The following KNDC1 variants were observed in gnomAD, a reference collection of about 807,000 sequenced individuals.
The protein encoded by KNDC1 is kinase non-catalytic C-lobe domain containing 1.
KNDC1 carries 106 observed loss-of-function variants against 172.8 expected under a neutral mutation model. The ratio of observed to expected loss-of-function variants is 0.61; its 90% CI spans 0.52 to 0.72. The LOEUF (loss-of-function observed/expected upper bound fraction) is 0.72. Among genes scored for constraint, KNDC1 ranks in the 30% least tolerant of loss-of-function variants. KNDC1 has a pLI of 0.00. For synonymous variants in KNDC1, 1,083 were observed against 1,062.2 expected (o/e 1.02, Z -0.38); for missense variants, 2,325 against 2,394.5 (o/e 0.97, Z 0.61).
intron 3 of KNDC1, among the ~76,000 whole-genome samples, chr10:133,169,947 CACGTTCCTCCAAGT>C (rs1431298725): frequency 9.8e-5 from 15 of 152,368 alleles, no homozygotes; most frequent in Admixed American, 5.9e-4. Context: ...TCCCGCGTTG[CACGTTCCTCCAAGT>C]CCTGTTGTTT....
intron 1 of KNDC1, among the ~76,000 whole-genome samples, chr10:133,165,777 TGGAGTCCTGA>T (rs1429682650): frequency 1.3e-5 from 2 of 152,122 alleles, no homozygotes; most frequent in Admixed American, 1.3e-4. Context: ...TCGGGCTCTC[TGGAGTCCTGA>T]GGAGTCCTGG....
In KNDC1 at chr10:133,224,689, C is replaced by T. The variant is rs149909557; in HGVS notation, c.5049C>T (p.His1683=). ...TCGCAAAGGTGGTGAGCCAGGTGCA[C>T]GCGTTCCAGGAGAACCCTTACACCT... ...RNIAKVVSQV[H]AFQENPYTFS... Residue 1683 remains histidine (H), a synonymous_variant, in exon 30 of 30, where the codon CAC becomes CAT. Transcript: ENST00000304613. This position sits in a 1 kb window ranked among gnomAD's most constrained non-coding sequence, Gnocchi z 5.4. The T allele has an allele frequency of 8.2e-5, 132 of 1,614,010 alleles. No homozygotes were observed. The highest frequency in any genetic ancestry group is 1.6e-4 in the Middle Eastern group (1 of 6,062).
Position 133,183,870 on chromosome 10 carries a change from A to G in KNDC1, c.508-2A>G. ...TCCTGTCTGAGGTGTTCCCGTCCCC[A>G]GAGCATCATCGCGCTGTGTGAAGAG... On this transcript the variant is annotated splice_acceptor_variant, in intron 4 of 29. Coordinates refer to ENST00000304613, the MANE Select transcript of KNDC1 (RefSeq NM_152643.8). LOFTEE classifies it high-confidence loss of function. 6.4e-7 allele frequency: 1 copy of G among 1,572,878 alleles called. No individual in the cohort carries two copies. Among genetic ancestry groups the G allele is most frequent in the Non-Finnish European group, 8.7e-7 (1 of 1,152,032 alleles).
In KNDC1 at chr10:133,184,009, C is replaced by T. The variant is rs189947159; in HGVS notation, c.625+20C>T. On this transcript the variant is annotated intron_variant, in intron 5 of 29. Coordinates refer to ENST00000304613, the MANE Select transcript of KNDC1 (RefSeq NM_152643.8). The stretch of plus-strand genomic sequence containing the variant: ...TGCAGGGTGAGTTCTTGAACCCACA[C>T]ACGTGCATCCTCATGCACATATACC... 1.1e-3 allele frequency: 1,609 copies of T among 1,404,980 alleles called. 8 individuals carry two copies. Among genetic ancestry groups the T allele is most frequent in the Middle Eastern group, 1.5e-3 (8 of 5,384 alleles). 87.0% of individuals were successfully genotyped at this position (1,404,980 alleles called of 1,614,324 possible).
intron 5 of KNDC1, among the ~76,000 whole-genome samples, chr10:133,185,094 G>A (rs543559564): frequency 2.6e-5 from 4 of 152,268 alleles, no homozygotes; most frequent in African/African-American, 4.8e-5. Context: ...CATGGTGGCC[G>A]GCAGGGCCCT....
chr10:133,200,376 A>ACGCC lies in KNDC1; in HGVS notation c.2907_2908insCCCG (p.Ala970ProfsTer81). 6.3e-7 allele frequency: 1 copy of ACGCC among 1,587,152 alleles called. No individual in the cohort carries two copies. Among genetic ancestry groups the ACGCC allele is most frequent in the African/African-American group, 1.4e-5 (1 of 73,048 alleles). On this transcript the variant is annotated frameshift_variant and splice_region_variant, in exon 16 of 30. Coordinates refer to ENST00000304613, the MANE Select transcript of KNDC1 (RefSeq NM_152643.8). LOFTEE classifies it high-confidence loss of function. ...ACTGACCTGCATTCTCGTCGTCAGC[A>ACGCC]CGGCCGAGGAGGCTGGGTCACAGCT...
chr10:133,172,360 T>TATTCAC (rs1467390748), intron 3 of KNDC1, among the ~76,000 whole-genome samples: 1 of 152,278 alleles, frequency 6.6e-6, no homozygotes, highest in East Asian at 1.9e-4. Flanking sequence ...AAGATTTTCA[T>TATTCAC]ATTCACATCT....
intron 29 of KNDC1, among the ~76,000 whole-genome samples, chr10:133,220,533 G>C (rs1589778303): frequency 3.5e-5 from 1 of 28,904 alleles, no homozygotes; most frequent in African/African-American, 9.9e-5. Context: ...GCCCAGGTGA[G>C]GAGGGGCTCA....
At chr10:133,168,763 G>T (rs1000494824) in intron 3 of KNDC1, among the ~76,000 whole-genome samples, 2 of 152,250 alleles carry the variant, frequency 1.3e-5, no homozygotes, top group African/African-American at 4.8e-5. Flanking sequence ...CAGACACAAG[G>T]CCTCCAGGCA....
chr10:133,205,008 C>CCACCCCCCTCCTCACCCCCAGAAT (rs1845147140), intron 17 of KNDC1, among the ~76,000 whole-genome samples: 4 of 144,592 alleles, frequency 2.8e-5, no homozygotes, highest in African/African-American at 7.8e-5. Flanking sequence ...CACCCCAGAA[C>CCACCCCCCTCCTCACCCCCAGAAT]CACCACCCTC....
chr10:133,203,517 C>T (rs2136006441), intron 17 of KNDC1, among the ~76,000 whole-genome samples: 1 of 152,396 alleles, frequency 6.6e-6, no homozygotes, highest in African/African-American at 2.4e-5. Context: ...GAGGGCCGTT[C>T]TCTGGGGCGG....
At chr10:133,202,231 C>T (rs780413879) in intron 17 of KNDC1, 9 of 607,952 alleles carry the variant, frequency 1.5e-5, no homozygotes, top group South Asian at 6.1e-5. Flanking sequence ...TCGTGTTTTC[C>T]GTGGGGCAGG....
intron 28 of KNDC1, 22 bp from the exon 29 acceptor site, chr10:133,219,933 C>T (rs1243342176): frequency 1.3e-5 from 20 of 1,544,944 alleles, no homozygotes; most frequent in Non-Finnish European, 1.7e-5. Flanking sequence ...CTCCCCGGCC[C>T]ACGCCCCGGC....
At chr10:133,215,971 C>T (rs1300783429) in intron 26 of KNDC1, among the ~76,000 whole-genome samples, 1 of 152,214 alleles carries the variant, frequency 6.6e-6, no homozygotes, top group South Asian at 2.1e-4. Flanking sequence ...CGGACCTCGC[C>T]GGAGACCCAC....
rs542366535 is a variant in KNDC1, at chr10:133,183,328, C to T, written c.361-16C>T. On this transcript the variant is annotated splice_polypyrimidine_tract_variant and intron_variant, in intron 3 of 29. Coordinates refer to ENST00000304613, the MANE Select transcript of KNDC1 (RefSeq NM_152643.8). Reference sequence around the variant, plus strand: ...CACGCAGAGACTCTGGAGCTGACAGCCTGTCGTGCCCACAGGCGCACATCT... The same window carrying T: ...CACGCAGAGACTCTGGAGCTGACAGTCTGTCGTGCCCACAGGCGCACATCT... 6.3e-6 allele frequency: 10 copies of T among 1,577,542 alleles called. No individual in the cohort carries two copies. The South Asian group carries it at 1.0e-4, about 16-fold the overall frequency.
intron 29 of KNDC1, among the ~76,000 whole-genome samples, chr10:133,221,739 A>G (rs926061673): frequency 2.0e-5 from 3 of 152,260 alleles, no homozygotes; most frequent in Non-Finnish European, 4.4e-5. Flanking sequence ...ATGTATGCTT[A>G]TCGTAAGAGA....
intron 23 of KNDC1, 143 bp from the exon 24 acceptor site, chr10:133,212,573 G>A (rs895334818): frequency 4.5e-6 from 3 of 672,786 alleles, no homozygotes; most frequent in Middle Eastern, 4.1e-4. Flanking sequence ...TGGGCAGGCT[G>A]CTCTCTGGCT....
In KNDC1 at chr10:133,211,681, C is replaced by T. The variant is rs777214426; in HGVS notation, c.4059C>T (p.Ile1353=). Residue 1353 remains isoleucine (I), a splice_region_variant and synonymous_variant, in exon 23 of 30, where the codon ATC becomes ATT. Transcript: ENST00000304613. Reference sequence around the variant, plus strand: ...CCCACCACTGTGCTTCTGCCTAGATCCTACCCCTGGACGGCTCTGCCAAGC... The same window carrying T: ...CCCACCACTGTGCTTCTGCCTAGATTCTACCCCTGGACGGCTCTGCCAAGC... The part of the protein sequence containing the change: ...GKLEDFISSK[I]LPLDGSAKHL... 1 of 1,596,754 alleles carries T rather than the reference C, an allele frequency of 6.3e-7. No homozygotes were observed. Among genetic ancestry groups the T allele is most frequent in the Non-Finnish European group, 8.5e-7 (1 of 1,170,436 alleles).
chr10:133,207,465 G>A, intron 20 of KNDC1, 114 bp downstream of exon 20: 1 of 986,460 alleles, frequency 1.0e-6, no homozygotes, highest in Admixed American at 2.2e-5. Context: ...TTTTAGTTTA[G>A]AGAAATGTTT....
Sources: gnomAD v4.1 joint callset for allele counts (sites outside exome capture counted in the v4.1 genomes callset) on GRCh38, gnomAD v4.1.1 for gene constraint, Gnocchi (gnomAD v3.1) non-coding constraint, MANE v1.5 for transcripts, NCBI Gene and HGNC (gene_info 2026-07-23, HGNC 2026-07-21) for gene names.